The following FAM229B variants were observed in gnomAD, a reference collection of about 807,000 sequenced individuals.
FAM229B encodes the protein protein FAM229B.
In FAM229B, 2 loss-of-function variants were observed where a neutral mutation model predicts 6.7. That is an observed-to-expected ratio of 0.30 (90% CI 0.12 to 0.94). FAM229B has a LOEUF of 0.94. Ranked by LOEUF, FAM229B falls within the 40% of genes least tolerant of loss-of-function variation. FAM229B has a pLI of 0.54. For synonymous variants in FAM229B, 29 were observed against 34.0 expected, an observed-to-expected ratio of 0.85 and a Z score of 0.51; for missense variants, 93 against 96.2, an observed-to-expected ratio of 0.97 and a Z score of 0.14.
In FAM229B at chr6:112,100,815, AC is replaced by A; in HGVS notation, c.*29del. On this transcript the variant is annotated 3_prime_UTR_variant, in exon 4 of 4. Transcript: ENST00000368656. Reference sequence around the variant, plus strand: ...CCATTAAGTCTTTTGTCAAGGTCTGACTAGGTCAAGGGTAATGGACCAGTAT... The same window carrying A: ...CCATTAAGTCTTTTGTCAAGGTCTGATAGGTCAAGGGTAATGGACCAGTAT... 6.5e-7 allele frequency: 1 copy of A among 1,544,202 alleles called. No homozygotes were observed. The highest frequency in any genetic ancestry group is 9.0e-7 in the Non-Finnish European group (1 of 1,116,572).
chr6:112,087,623 A>G lies in FAM229B; in HGVS notation c.-273A>G, dbSNP rs1554317649. On this transcript the variant is annotated 5_prime_UTR_variant, in exon 1 of 4. Coordinates refer to ENST00000368656, the MANE Select transcript of FAM229B (RefSeq NM_001033564.3). ...GGCCGCGCAAGTGCACTTGCGTGTC[A>G]CCGTTACCGTAGCGACTGGGCTTCT... 4 of 621,446 alleles carry G rather than the reference A, an allele frequency of 6.4e-6. No individual in the cohort carries two copies. Among genetic ancestry groups the G allele is most frequent in the Non-Finnish European group, 1.1e-5 (4 of 359,040 alleles). 38.5% of individuals were successfully genotyped at this position (621,446 alleles called of 1,614,324 possible). A position where few individuals can be genotyped will look rare whatever the true frequency, so the allele number is the denominator to read the frequency against.
intron 1 of FAM229B, among the ~76,000 whole-genome samples, chr6:112,090,849 T>A (rs975903028): frequency 2.6e-5 from 4 of 152,194 alleles, no homozygotes; most frequent in African/African-American, 9.6e-5. Flanking sequence ...ATACTCAGAA[T>A]TTTTTTGTGA....
chr6:112,092,188 G>A (rs1398623722), intron 1 of FAM229B, among the ~76,000 whole-genome samples: 2 of 152,072 alleles, frequency 1.3e-5, no homozygotes, highest in Non-Finnish European at 2.9e-5. Flanking sequence ...TAAGTATTAT[G>A]CACCCACAGA....
Position 112,089,967 on chromosome 6 carries a change from T to C in FAM229B, c.-176+2247T>C, listed in dbSNP as rs150164597. 3.3e-5 allele frequency among the ~76,000 whole-genome samples: 5 copies of C among 152,256 alleles called. No individual in the cohort carries two copies. The East Asian group carries it at 9.6e-4, about 29-fold the overall frequency. On this transcript the variant is annotated intron_variant, in intron 1 of 3. Transcript: ENST00000368656. ...CAAGACATGCAGCCTCATTAAGGCA[T>C]TCAACTTTTCAGAATAAAGAGAGAA...
At chr6:112,091,644 A>C (rs1777258535) in intron 1 of FAM229B, among the ~76,000 whole-genome samples, 1 of 152,162 alleles carries the variant, frequency 6.6e-6, no homozygotes. Context: ...TAGAGGAATA[A>C]AAATAAAATT....
At chr6:112,090,524 C>T (rs1777243808) in intron 1 of FAM229B, among the ~76,000 whole-genome samples, 1 of 152,018 alleles carries the variant, frequency 6.6e-6, no homozygotes, top group Admixed American at 6.6e-5. Flanking sequence ...AAGTCTGGAC[C>T]AAAGTCTGTA....
intron 2 of FAM229B, among the ~76,000 whole-genome samples, chr6:112,097,574 G>A (rs1343355538): frequency 1.3e-5 from 2 of 151,856 alleles, no homozygotes; most frequent in Non-Finnish European, 2.9e-5. Context: ...AAAACATTGT[G>A]TACTAATAGT....
At chr6:112,100,642 A>G (rs1777385037) in intron 3 of FAM229B, 28 bp from the exon 4 acceptor site, 1 of 1,478,314 alleles carries the variant, frequency 6.8e-7, no homozygotes. Flanking sequence ...TTAGTATCTA[A>G]CTACATGTCA....
rs367822037 is a variant in FAM229B, at chr6:112,099,262, C to T, written c.-14-8C>T. The stretch of plus-strand genomic sequence containing the variant: ...CTAGGTTTTCAATATTTTAACTTTC[C>T]GATCTAGGTTTTCAGTGAAGTATGC... On this transcript the variant is annotated splice_region_variant and splice_polypyrimidine_tract_variant and intron_variant, in intron 2 of 3. Coordinates refer to ENST00000368656, the MANE Select transcript of FAM229B (RefSeq NM_001033564.3). The T allele has an allele frequency of 2.2e-4, 357 of 1,601,504 alleles. 1 individual carries two copies. In the East Asian group the frequency reaches 4.5e-3, roughly 20 times the overall value.
chr6:112,098,709 G>A (rs1347604770), intron 2 of FAM229B, among the ~76,000 whole-genome samples: 1 of 152,224 alleles, frequency 6.6e-6, no homozygotes. Flanking sequence ...ATGTGAAACT[G>A]TGCTCCAAAG....
chr6:112,091,086 C>A (rs1462293987), intron 1 of FAM229B, among the ~76,000 whole-genome samples: 1 of 152,096 alleles, frequency 6.6e-6, no homozygotes, highest in Non-Finnish European at 1.5e-5. Flanking sequence ...TTTTTAGATT[C>A]CACATCTAAG....
intron 1 of FAM229B, among the ~76,000 whole-genome samples, chr6:112,094,005 T>C (rs1242041349): frequency 6.6e-6 from 1 of 151,882 alleles, no homozygotes; most frequent in Non-Finnish European, 1.5e-5. Flanking sequence ...AAATTTTAAC[T>C]GAAGGAAATG....
At chr6:112,089,465 G>A (rs1270337207) in intron 1 of FAM229B, among the ~76,000 whole-genome samples, 1 of 152,148 alleles carries the variant, frequency 6.6e-6, no homozygotes, top group African/African-American at 2.4e-5. Flanking sequence ...GGAACTTAAA[G>A]ACAAGATACT....
Position 112,087,666 on chromosome 6 carries a change from T to C in FAM229B, c.-230T>C, listed in dbSNP as rs975390227. 2.0e-6 allele frequency: 1 copy of C among 498,400 alleles called. No individual in the cohort carries two copies. The highest frequency in any genetic ancestry group is 2.0e-5 in the African/African-American group (1 of 50,816). 30.9% of individuals were successfully genotyped at this position (498,400 alleles called of 1,614,324 possible). A position where few individuals can be genotyped will look rare whatever the true frequency, so the allele number is the denominator to read the frequency against. On this transcript the variant is annotated 5_prime_UTR_variant, in exon 1 of 4. Coordinates refer to ENST00000368656, the MANE Select transcript of FAM229B (RefSeq NM_001033564.3). The stretch of plus-strand genomic sequence containing the variant: ...GGGCTTCTGGACTGTATATCCTAGC[T>C]GCCTTGTCAACATCTTCGAGCATCG...
At chr6:112,090,207 G>A (rs200278931) in intron 1 of FAM229B, among the ~76,000 whole-genome samples, 1 of 151,762 alleles carries the variant, frequency 6.6e-6, no homozygotes, top group Non-Finnish European at 1.5e-5. Flanking sequence ...GTTGTGGGTG[G>A]TCTGTTTTTA....
intron 2 of FAM229B, among the ~76,000 whole-genome samples, chr6:112,097,613 A>G (rs1777344116): frequency 6.6e-6 from 1 of 152,042 alleles, no homozygotes; most frequent in South Asian, 2.1e-4. Context: ...ATAGTTGAAA[A>G]CATTGTGTAC....
chr6:112,089,231 GA>G (rs1285084623), intron 1 of FAM229B, among the ~76,000 whole-genome samples: 2 of 151,530 alleles, frequency 1.3e-5, no homozygotes, highest in East Asian at 1.9e-4. Flanking sequence ...AAATGAAAAA[GA>G]AAAAAATTAT....
chr6:112,093,153 C>A (rs1321239415), intron 1 of FAM229B, among the ~76,000 whole-genome samples: 1 of 151,642 alleles, frequency 6.6e-6, no homozygotes, highest in Non-Finnish European at 1.5e-5. Context: ...TTACAAGAAA[C>A]CCACTTGGAA....
At chr6:112,094,048 G>C (rs1363327454) in intron 1 of FAM229B, among the ~76,000 whole-genome samples, 3 of 152,202 alleles carry the variant, frequency 2.0e-5, no homozygotes, top group African/African-American at 7.2e-5. Flanking sequence ...GTGGAATGCA[G>C]CTAAAGGAGT....
Sources: allele counts gnomAD v4.1 joint callset (sites outside exome capture counted in the v4.1 genomes callset), GRCh38; gene constraint gnomAD v4.1.1; transcripts MANE v1.5; gene names NCBI Gene and HGNC (gene_info 2026-07-23, HGNC 2026-07-21).